The following MTMR1 variants were observed in gnomAD, a reference collection of about 807,000 sequenced individuals.
The protein encoded by MTMR1 is myotubularin related protein 1, also known as phosphatidylinositol-3-phosphate phosphatase MTMR1.
MTMR1 carries 17 observed loss-of-function variants against 51.6 expected under a neutral mutation model. The ratio of observed to expected loss-of-function variants is 0.33; its 90% CI spans 0.23 to 0.49. The LOEUF is 0.49. Among genes scored for constraint, MTMR1 ranks in the 20% least tolerant of loss-of-function variants. The pLI is 0.99. For synonymous variants in MTMR1, 201 were observed against 205.6 expected, an observed-to-expected ratio of 0.98 and a Z score of 0.19; for missense variants, 386 against 526.9, an observed-to-expected ratio of 0.73 and a Z score of 2.62.
In MTMR1 at chrX:150,759,511, G is replaced by A. The variant is rs1390916481; in HGVS notation, c.1858-3054G>A. Among the ~76,000 whole-genome samples the A allele has an allele frequency of 9.0e-5, 9 of 100,114 alleles. 1 individual carries two copies. The highest frequency in any genetic ancestry group is 3.0e-4 in the African/African-American group (9 of 29,892). 86.9% of individuals were successfully genotyped at this position (100,114 alleles called of 115,157 possible). A position where few individuals can be genotyped will look rare whatever the true frequency, so the allele number is the denominator to read the frequency against. The stretch of plus-strand genomic sequence containing the variant: ...CTCTCGATTACTGCAGGAGACCCCC[G>A]TACCCCTGCCACGCTCCCCCTTGTG... On this transcript the variant is annotated intron_variant, in intron 15 of 15. Transcript: ENST00000445323.
chrX:150,714,496 C>A, intron 3 of MTMR1: 1 of 982,518 alleles, frequency 1.0e-6, no homozygotes, highest in Non-Finnish European at 1.3e-6. Flanking sequence ...AGGAAGAACA[C>A]AATGGCTACC....
intron 12 of MTMR1, among the ~76,000 whole-genome samples, chrX:150,740,494 C>T (rs1293473872): frequency 1.8e-5 from 2 of 111,205 alleles, no homozygotes; most frequent in African/African-American, 6.6e-5. Flanking sequence ...CATTTTTCTT[C>T]TCTTTGTGGT....
At chrX:150,712,658 A>T in intron 3 of MTMR1, 1 of 283,908 alleles carries the variant, frequency 3.5e-6, no homozygotes. Flanking sequence ...ATGGATATTC[A>T]TGACTGGGGT....
intron 1 of MTMR1, among the ~76,000 whole-genome samples, chrX:150,695,307 A>T (rs1206600029): frequency 1.8e-5 from 2 of 112,087 alleles, no homozygotes; most frequent in African/African-American, 6.5e-5. Context: ...CAGAGGAGTG[A>T]CATCATCTGT....
At chrX:150,748,665 C>CAA (rs2042641534) in intron 13 of MTMR1, among the ~76,000 whole-genome samples, 1 of 92,305 alleles carries the variant, frequency 1.1e-5, no homozygotes, top group Non-Finnish European at 2.2e-5. Flanking sequence ...AAAAAAAAAA[C>CAA]AAAAAACAAA....
chrX:150,750,759 A>C lies in MTMR1; in HGVS notation c.1596A>C (p.Leu532=), dbSNP rs1264634791. 1.7e-6 allele frequency: 2 copies of C among 1,204,300 alleles called. No individual in the cohort carries two copies. Among genetic ancestry groups the C allele is most frequent in the Admixed American group, 4.4e-5 (2 of 45,509 alleles). ...CTTCAGCATTCGAGTTTAATGAGCTATTCTTGATTACAATTTTGGATCACC... is the reference window on the plus strand; with the variant it reads ...CTTCAGCATTCGAGTTTAATGAGCTCTTCTTGATTACAATTTTGGATCACC... ...QFPSAFEFNE[L]FLITILDHLY... The change falls in exon 14 of 16, where the codon CTA becomes CTC. Residue 532 remains leucine, a synonymous_variant. Coordinates refer to ENST00000445323, the MANE Select transcript of MTMR1 (RefSeq NM_001306144.3).
chrX:150,711,942 A>G (rs1353711194), intron 2 of MTMR1, among the ~76,000 whole-genome samples: 2 of 108,180 alleles, frequency 1.8e-5, no homozygotes, highest in African/African-American at 6.8e-5. Flanking sequence ...TGGTTTGGGC[A>G]TATAACTGCC....
chrX:150,698,726 A>ACACAC (rs1557415823), intron 1 of MTMR1, among the ~76,000 whole-genome samples: 10 of 106,556 alleles, frequency 9.4e-5, no homozygotes, highest in South Asian at 4.2e-4. Context: ...ACACACACAC[A>ACACAC]AAAGCCGGGC....
intron 1 of MTMR1, among the ~76,000 whole-genome samples, chrX:150,697,280 A>G (rs2040711438): frequency 8.9e-6 from 1 of 112,086 alleles, no homozygotes; most frequent in Admixed American, 9.4e-5. Flanking sequence ...TTTCAACCAT[A>G]CAGATAACCT....
intron 12 of MTMR1, among the ~76,000 whole-genome samples, chrX:150,740,574 C>G (rs1308639765): frequency 8.9e-6 from 1 of 111,778 alleles, no homozygotes; most frequent in Non-Finnish European, 1.9e-5. Context: ...GATCTCATCT[C>G]CATTGCCCCT....
chrX:150,701,895 CATTTA>C (rs781909929), intron 2 of MTMR1, among the ~76,000 whole-genome samples: 2 of 111,290 alleles, frequency 1.8e-5, no homozygotes, highest in Admixed American at 1.9e-4. Flanking sequence ...CTACAATCAT[CATTTA>C]ATGGATGAGG....
intron 13 of MTMR1, among the ~76,000 whole-genome samples, chrX:150,746,928 G>A (rs782338552): frequency 4.5e-5 from 5 of 112,346 alleles, no homozygotes; most frequent in African/African-American, 1.6e-4. Flanking sequence ...GCAGTCATAG[G>A]AAAGATTATT....
intron 10 of MTMR1, among the ~76,000 whole-genome samples, chrX:150,734,018 T>C (rs1326182106): frequency 1.8e-5 from 2 of 112,186 alleles, no homozygotes; most frequent in Non-Finnish European, 3.8e-5. Flanking sequence ...AATGTATTGA[T>C]CACAATTCTG....
intron 1 of MTMR1, among the ~76,000 whole-genome samples, chrX:150,698,677 C>T (rs1557415811): frequency 9.0e-5 from 4 of 44,492 alleles, no homozygotes; most frequent in Admixed American, 3.2e-4. Flanking sequence ...TCTACACGCG[C>T]GCGCACACAC....
Position 150,693,599 on chromosome X carries a change from G to C in MTMR1, c.69G>C (p.Ala23=). Residue 23 remains alanine, a synonymous_variant, in exon 1 of 16, where the codon GCG becomes GCC. Transcript: ENST00000445323. ...EGGGGPNPGP[A]GGRRPPRAAG... ...GCGGGGGCCCGAACCCGGGGCCGGC[G>C]GGCGGCAGGAGGCCTCCTCGGGCCG... The C allele has an allele frequency of 1.3e-6, 1 of 759,539 alleles. No homozygotes were observed. Among genetic ancestry groups the C allele is most frequent in the Non-Finnish European group, 1.6e-6 (1 of 643,375 alleles). The allele number at this position is 759,539 out of a possible 1,213,427, so 62.6% of individuals were successfully genotyped here.
chrX:150,699,284 T>C lies in MTMR1; in HGVS notation c.236T>C (p.Val79Ala), dbSNP rs1557415846. Residue 79 changes from valine to alanine, a missense_variant, in exon 2 of 16, where the codon GTG (valine) becomes GCG (alanine). Coordinates refer to ENST00000445323, the MANE Select transcript of MTMR1 (RefSeq NM_001306144.3). ...TCAGGTTCAGTGACATCAGAAAATG[T>C]GTCCAGAGATTACAAGGTAAGCAAC... is the stretch of plus-strand genomic sequence containing the variant. ...QISGSVTSEN[V>A]SRDYKVFRRP... 1 of 1,186,111 alleles carries C rather than the reference T, an allele frequency of 8.4e-7. No individual in the cohort carries two copies. The highest frequency in any genetic ancestry group is 1.8e-5 in the South Asian group (1 of 54,661).
At chrX:150,747,351 C>T (rs782311480) in intron 13 of MTMR1, among the ~76,000 whole-genome samples, 17 of 110,515 alleles carry the variant, frequency 1.5e-4, no homozygotes, top group African/African-American at 4.9e-4. Context: ...GTTACTCGGG[C>T]GGCTGAGGCA....
chrX:150,750,783 C>T lies in MTMR1; in HGVS notation c.1620C>T (p.His540=), dbSNP rs995036002. 69 of 1,208,093 alleles carry T rather than the reference C, an allele frequency of 5.7e-5. No homozygotes were observed. Among genetic ancestry groups the T allele is most frequent in the Non-Finnish European group, 7.6e-5 (68 of 893,675 alleles). ...TATTCTTGATTACAATTTTGGATCACCTTTATAGCTGTCTTTTTGGGACCT... is the reference window on the plus strand; with the variant it reads ...TATTCTTGATTACAATTTTGGATCATCTTTATAGCTGTCTTTTTGGGACCT... ...NELFLITILD[H]LYSCLFGTFL... Residue 540 remains histidine (H), a synonymous_variant, in exon 14 of 16, where the codon CAC becomes CAT. Coordinates refer to ENST00000445323, the MANE Select transcript of MTMR1 (RefSeq NM_001306144.3).
At chrX:150,693,922 A>G (rs1933541099) in intron 1 of MTMR1, among the ~76,000 whole-genome samples, 1 of 105,544 alleles carries the variant, frequency 9.5e-6, no homozygotes, top group East Asian at 3.1e-4. Context: ...CGAGAGCCCC[A>G]GCTCCTGGAA....
Sources: allele counts gnomAD v4.1 joint callset (sites outside exome capture counted in the v4.1 genomes callset), GRCh38; gene constraint gnomAD v4.1.1; transcripts MANE v1.5; gene names NCBI Gene and HGNC (gene_info 2026-07-23, HGNC 2026-07-21).